MGAT5: variants seen among roughly 807,000 people sequenced by gnomAD.
The protein encoded by MGAT5 is alpha-1,6-mannosylglycoprotein 6-beta-N-acetylglucosaminyltransferase A.
A neutral mutation model predicts 94.3 loss-of-function variants in MGAT5; 30 were observed. The ratio of observed to expected loss-of-function variants is 0.32; its 90% CI spans 0.24 to 0.43. MGAT5 has a LOEUF of 0.43. Among genes scored for constraint, MGAT5 ranks in the 20% least tolerant of loss-of-function variants. MGAT5 has a pLI of 1.00. For missense variants in MGAT5, 691 were observed against 905.5 expected (o/e 0.76, Z 3.04); for synonymous variants, 310 against 322.9 (o/e 0.96, Z 0.43).
At chr2:134,384,213 T>TG (rs1329814507) in intron 10 of MGAT5, among the ~76,000 whole-genome samples, 11 of 30,438 alleles carry the variant, frequency 3.6e-4, no homozygotes, top group Non-Finnish European at 7.5e-4. Context: ...ATCCGGCCCT[T>TG]GAAAAAAAAA....
chr2:134,326,268 C>A (rs1402292433), intron 4 of MGAT5, among the ~76,000 whole-genome samples: 1 of 151,842 alleles, frequency 6.6e-6, no homozygotes, highest in Non-Finnish European at 1.5e-5. Flanking sequence ...TGCTTGCTTG[C>A]TTTTTGTTTT....
Position 134,381,382 on chromosome 2 carries a change from T to TTAGC in MGAT5, c.1380+18977_1380+18978insCTAG, listed in dbSNP as rs1275452620. ...AGATAGATAGATAAGATAAGATAGATTAGATAGATAGATAGATAGATAGAT... is the reference window on the plus strand; with the variant it reads ...AGATAGATAGATAAGATAAGATAGATTAGCTAGATAGATAGATAGATAGATAGAT... On this transcript the variant is annotated intron_variant, in intron 10 of 15. Transcript: ENST00000281923. Among the ~76,000 whole-genome samples, 28 of 108,576 alleles carry TTAGC rather than the reference T, an allele frequency of 2.6e-4. No homozygotes were observed. The South Asian group carries it at 4.5e-3, about 17-fold the overall frequency. The allele number at this position is 108,576 out of a possible 152,430, so 71.2% of individuals were successfully genotyped here.
chr2:134,170,257 G>A (rs1016890901), intron 1 of MGAT5, among the ~76,000 whole-genome samples: 11 of 152,114 alleles, frequency 7.2e-5, no homozygotes, highest in African/African-American at 2.2e-4. Flanking sequence ...AGCTTTTTCC[G>A]TATCACGATA....
chr2:134,133,314 C>T (rs1023416763), intron 1 of MGAT5, among the ~76,000 whole-genome samples: 1 of 152,200 alleles, frequency 6.6e-6, no homozygotes, highest in African/African-American at 2.4e-5. Flanking sequence ...CCAAATTTCT[C>T]CAATACCTTC....
chr2:134,441,508 G>C (rs1244112403), intron 14 of MGAT5, among the ~76,000 whole-genome samples: 1 of 150,780 alleles, frequency 6.6e-6, no homozygotes. Context: ...TCATCCTGGA[G>C]CCCTTTGTGG....
chr2:134,214,743 C>T (rs1319975710), intron 1 of MGAT5, among the ~76,000 whole-genome samples: 7 of 152,102 alleles, frequency 4.6e-5, no homozygotes, highest in South Asian at 4.1e-4. Context: ...ATATTTATGT[C>T]GCAACCTAAC....
chr2:134,141,825 G>T (rs1300786350), intron 1 of MGAT5, among the ~76,000 whole-genome samples: 1 of 152,268 alleles, frequency 6.6e-6, no homozygotes, highest in African/African-American at 2.4e-5. Flanking sequence ...AGCAGGAGCT[G>T]CTGGGGATGG....
intron 14 of MGAT5, among the ~76,000 whole-genome samples, chr2:134,428,699 T>C (rs533482450): frequency 6.6e-6 from 1 of 152,352 alleles, no homozygotes; most frequent in Admixed American, 6.5e-5. Flanking sequence ...ACTGTGAAGA[T>C]GCCCCTGACC....
chr2:134,279,058 G>C (rs1294101731), intron 2 of MGAT5, among the ~76,000 whole-genome samples: 1 of 152,168 alleles, frequency 6.6e-6, no homozygotes, highest in East Asian at 1.9e-4. Flanking sequence ...GTTCAGTGCT[G>C]AGCTTGGAGT....
chr2:134,325,025 C>T (rs1334100140), intron 4 of MGAT5, among the ~76,000 whole-genome samples: 2 of 145,344 alleles, frequency 1.4e-5, no homozygotes. Flanking sequence ...AAAAAAAAAT[C>T]CTGAGTTTAC....
At chr2:134,424,567 G>A (rs1684473609) in intron 13 of MGAT5, among the ~76,000 whole-genome samples, 1 of 152,226 alleles carries the variant, frequency 6.6e-6, no homozygotes. Context: ...CACTACTGGA[G>A]TCATTCCTAT....
intron 10 of MGAT5, among the ~76,000 whole-genome samples, chr2:134,401,572 A>T (rs1558859641): frequency 6.6e-6 from 1 of 152,224 alleles, no homozygotes; most frequent in Non-Finnish European, 1.5e-5. Context: ...TACATCTAGC[A>T]CAAGAACCAT....
At chr2:134,350,470 C>G (rs1043283800) in intron 9 of MGAT5, among the ~76,000 whole-genome samples, 2 of 152,038 alleles carry the variant, frequency 1.3e-5, no homozygotes, top group Non-Finnish European at 2.9e-5. Context: ...TTTACCTTCT[C>G]TTGCTGACTT....
At chr2:134,377,833 ACTC>A (rs1486343526) in intron 10 of MGAT5, among the ~76,000 whole-genome samples, 2 of 152,008 alleles carry the variant, frequency 1.3e-5, no homozygotes, top group Non-Finnish European at 2.9e-5. Flanking sequence ...AGGGCCTCCA[ACTC>A]CTCTTTTAGA....
At chr2:134,130,479 A>C (rs1355597544) in intron 1 of MGAT5, among the ~76,000 whole-genome samples, 3 of 152,244 alleles carry the variant, frequency 2.0e-5, no homozygotes, top group Non-Finnish European at 4.4e-5. Context: ...CTTCTGAGTC[A>C]AGTGAGGACT....
chr2:134,151,197 C>G (rs970488531), intron 1 of MGAT5, among the ~76,000 whole-genome samples: 6 of 149,918 alleles, frequency 4.0e-5, no homozygotes, highest in Non-Finnish European at 8.9e-5. Context: ...ACCTCACTCA[C>G]GCCCTATGGG....
chr2:134,350,091 T>TTTTTTTGTTTTTG (rs142933335), intron 9 of MGAT5, among the ~76,000 whole-genome samples, 153 bp downstream of exon 9: 1 of 151,598 alleles, frequency 6.6e-6, no homozygotes, highest in African/African-American at 2.4e-5. Flanking sequence ...CTGAATTTGT[T>TTTTTTTGTTTTTG]TTTTTGTTTT....
At chr2:134,250,347 A>G (rs966052501), upstream of MGAT5, among the ~76,000 whole-genome samples, 7 of 152,190 alleles carry the variant, frequency 4.6e-5, no homozygotes, top group Non-Finnish European at 8.8e-5. Context: ...TGACTTAGCT[A>G]GAGGACACAG....
chr2:134,317,276 C>T (rs1687047899), intron 2 of MGAT5, among the ~76,000 whole-genome samples: 1 of 152,110 alleles, frequency 6.6e-6, no homozygotes, highest in Non-Finnish European at 1.5e-5. Flanking sequence ...GTTGGCTTGG[C>T]TCACTTTTTT....
Sources: allele counts gnomAD v4.1 joint callset (sites outside exome capture counted in the v4.1 genomes callset), GRCh38; gene constraint gnomAD v4.1.1; transcripts MANE v1.5; gene names NCBI Gene and HGNC (gene_info 2026-07-23, HGNC 2026-07-21).